CWC22: variants seen among roughly 807,000 people sequenced by gnomAD.
CWC22 encodes CWC22 spliceosome associated protein.
A neutral mutation model predicts 117.2 loss-of-function variants in CWC22; 53 were observed. The ratio of observed to expected loss-of-function variants is 0.45; its 90% CI spans 0.36 to 0.57. CWC22 has a LOEUF of 0.57. CWC22 is among the 20% of genes least tolerant of loss of function. The pLI, the probability that CWC22 is intolerant of heterozygous loss-of-function variation, is 0.00. For synonymous variants in CWC22, 360 were observed against 355.6 expected (o/e 1.01, Z -0.14); for missense variants, 980 against 1,068.8 (o/e 0.92, Z 1.16).
chr2:179,982,404 T>C (rs1687307429), intron 4 of CWC22, among the ~76,000 whole-genome samples: 2 of 152,194 alleles, frequency 1.3e-5, no homozygotes, highest in African/African-American at 4.8e-5. Context: ...AAGGTTTTTA[T>C]ACTGGAGGTG....
In CWC22 at chr2:179,968,922, G is replaced by C. The variant is rs190971138; in HGVS notation, c.1210+1579C>G. On this transcript the variant is annotated intron_variant, in intron 11 of 19. Coordinates refer to ENST00000410053, the MANE Select transcript of CWC22 (RefSeq NM_020943.3). ...ATTTATGTTAACATATACTAGGTTT[G>C]CTATTATTCTGAAATAATTTAATAA... Among the ~76,000 whole-genome samples, 268 of 151,918 alleles carry C rather than the reference G, an allele frequency of 1.8e-3. 1 individual carries two copies. The highest frequency in any genetic ancestry group is 6.2e-3 in the African/African-American group (255 of 41,362).
At chr2:180,004,397 C>CT (rs759321020) in intron 1 of CWC22, among the ~76,000 whole-genome samples, 22 of 151,328 alleles carry the variant, frequency 1.5e-4, no homozygotes, top group East Asian at 3.9e-4. Flanking sequence ...TCTTCTTCTT[C>CT]TTTTTTTTTC....
chr2:179,996,964 C>A (rs1226029019), intron 1 of CWC22, among the ~76,000 whole-genome samples: 3 of 152,044 alleles, frequency 2.0e-5, no homozygotes, highest in Non-Finnish European at 4.4e-5. Context: ...AGCAGACCTG[C>A]ACTACAAAAA....
In CWC22 at chr2:179,945,370, G is replaced by T. The variant is rs1686264764; in HGVS notation, c.2486C>A (p.Ser829Tyr). The T allele has an allele frequency of 8.1e-6, 13 of 1,612,288 alleles. No homozygotes were observed. The highest frequency in any genetic ancestry group is 1.1e-5 in the Non-Finnish European group (13 of 1,179,284). ...TGTATGCTTCTCATTTTCAGAAAAA[G>T]AATTTCTTCTCTCTCCTCTCTTCTT... ...PKKKRGERRN[S>Y]FSENEKHTHR... The change falls in exon 20 of 20, where the codon TCT (serine) becomes TAT (tyrosine). Residue 829 changes from serine (S) to tyrosine (Y), a missense_variant. Physicochemically the swap from Ser to Tyr is moderately radical, Grantham distance 144. Around this residue, in one of 3 missense-constraint regions of CWC22, gnomAD observed 306 missense variants for 296.8 expected, o/e 1.03. Transcript: ENST00000410053.
chr2:179,977,939 A>C (rs564164935), intron 6 of CWC22, among the ~76,000 whole-genome samples: 7 of 152,186 alleles, frequency 4.6e-5, no homozygotes, highest in Non-Finnish European at 8.8e-5. Context: ...GGCATTAAGT[A>C]AATGTCTGCA....
intron 2 of CWC22, among the ~76,000 whole-genome samples, chr2:179,991,627 A>T (rs1402707329): frequency 6.6e-6 from 1 of 152,162 alleles, no homozygotes; most frequent in Admixed American, 6.5e-5. Context: ...GAGAAAGGCT[A>T]AACATTTCTC....
At position 179,945,588 on chromosome 2, in the gene CWC22, T is replaced by C. The variant is rs1395214455; in HGVS notation, c.2268A>G (p.Thr756=). The part of the protein sequence containing the change: ...ERRQEHGHQE[T]RTERERRSEK... ...CTGACCTTCTTTCTCTCTCAGTCCT[T>C]GTTTCCTGGTGCCCGTGTTCTTGTC... The change falls in exon 20 of 20, where the codon ACA becomes ACG. Residue 756 remains threonine (T), a synonymous_variant. Coordinates refer to ENST00000410053, the MANE Select transcript of CWC22 (RefSeq NM_020943.3). 2.5e-6 allele frequency: 4 copies of C among 1,613,734 alleles called. No individual in the cohort carries two copies. Among genetic ancestry groups the C allele is most frequent in the Middle Eastern group, 1.6e-4 (1 of 6,062 alleles).
Position 179,986,787 on chromosome 2 carries a change from T to C in CWC22, c.114A>G (p.Arg38=). The change falls in exon 4 of 20, where the codon CGA becomes CGG. Residue 38 remains arginine, a synonymous_variant. Transcript: ENST00000410053. ...CAAAGTAATCTCTATCCCGGGGGGA[T>C]CGTTCTTGTTCTTCATATCTAACAT... The part of the protein sequence containing the change: ...SPEDRYEEQE[R]SPRDRDYFDY... 1 of 1,580,484 alleles carries C rather than the reference T, an allele frequency of 6.3e-7. No homozygotes were observed. The highest frequency in any genetic ancestry group is 8.6e-7 in the Non-Finnish European group (1 of 1,165,230).
intron 1 of CWC22, among the ~76,000 whole-genome samples, chr2:180,001,187 T>C (rs543645723): frequency 1.3e-5 from 2 of 152,320 alleles, no homozygotes; most frequent in African/African-American, 4.8e-5. Flanking sequence ...TGTTGAACTT[T>C]TTAATGATTC....
intron 11 of CWC22, among the ~76,000 whole-genome samples, chr2:179,968,498 TTA>T (rs1402625311): frequency 6.6e-6 from 1 of 151,400 alleles, no homozygotes; most frequent in Non-Finnish European, 1.5e-5. Flanking sequence ...AAATAAAATT[TTA>T]TAAAATATAT....
intron 8 of CWC22, among the ~76,000 whole-genome samples, chr2:179,972,541 T>C (rs772679957): frequency 6.6e-6 from 1 of 152,172 alleles, no homozygotes; most frequent in Non-Finnish European, 1.5e-5. Context: ...TAGATTCTCA[T>C]GAACAGCAGG....
At chr2:179,963,219 T>TG (rs35539275) in intron 13 of CWC22, among the ~76,000 whole-genome samples, 22,251 of 151,798 alleles carry the variant, frequency 0.15, 2,015 homozygotes, top group Admixed American at 0.29. Context: ...TCACAACTGA[T>TG]GACTGTTGGA....
At chr2:179,973,334 T>G in intron 7 of CWC22, 88 bp from the exon 8 acceptor site, 1 of 868,454 alleles carries the variant, frequency 1.2e-6, no homozygotes. Context: ...CATCATCTAT[T>G]TAAAACATGT....
intron 4 of CWC22, among the ~76,000 whole-genome samples, chr2:179,984,771 TCA>T (rs1443400051): frequency 6.6e-6 from 1 of 151,976 alleles, no homozygotes; most frequent in Non-Finnish European, 1.5e-5. Context: ...CAGAGACAAA[TCA>T]CAGTTCCTTT....
chr2:179,978,907 T>C lies in CWC22; in HGVS notation c.453-589A>G, dbSNP rs116292184. 5.7e-3 allele frequency among the ~76,000 whole-genome samples: 875 copies of C among 152,314 alleles called. 11 individuals carry two copies. The highest frequency in any genetic ancestry group is 0.02 in the African/African-American group (817 of 41,572). On this transcript the variant is annotated intron_variant, in intron 5 of 19. Coordinates refer to ENST00000410053, the MANE Select transcript of CWC22 (RefSeq NM_020943.3). ...TTTAAAGACAATCTCTATGTTGATGTAGTAGTCCTACAGCTATACCAGTTG... is the reference window on the plus strand; with the variant it reads ...TTTAAAGACAATCTCTATGTTGATGCAGTAGTCCTACAGCTATACCAGTTG...
At chr2:179,993,257 A>G in intron 2 of CWC22, 58 bp downstream of exon 2, 1 of 1,212,818 alleles carries the variant, frequency 8.2e-7, no homozygotes, top group Non-Finnish European at 1.2e-6. Context: ...ATTTATATTT[A>G]AAGAATAGGT....
chr2:179,980,479 G>A (rs1009301986), intron 5 of CWC22, among the ~76,000 whole-genome samples: 6 of 145,752 alleles, frequency 4.1e-5, no homozygotes, highest in Admixed American at 1.4e-4. Flanking sequence ...GTGCAGTGGT[G>A]CGATCTCGGC....
At chr2:179,953,236 T>C (rs1160157363) in intron 16 of CWC22, among the ~76,000 whole-genome samples, 1 of 152,086 alleles carries the variant, frequency 6.6e-6, no homozygotes, top group Non-Finnish European at 1.5e-5. Context: ...CTAGGTTAGA[T>C]TACGAATGCC....
At chr2:180,006,577 T>C (rs1291976312) in intron 1 of CWC22, among the ~76,000 whole-genome samples, 4 of 151,958 alleles carry the variant, frequency 2.6e-5, no homozygotes, top group Non-Finnish European at 2.9e-5. Flanking sequence ...AAACAAATAG[T>C]CAAAGGGATA....
Sources: allele counts gnomAD v4.1 joint callset (sites outside exome capture counted in the v4.1 genomes callset), GRCh38; gene constraint gnomAD v4.1.1; regional missense constraint gnomAD v4.1.1; transcripts MANE v1.5; gene names NCBI Gene and HGNC (gene_info 2026-07-23, HGNC 2026-07-21).